DUSP22: variants seen among roughly 807,000 people sequenced by gnomAD.
The protein encoded by DUSP22 is dual specificity phosphatase 22, also known as dual specificity protein phosphatase 22.
DUSP22 carries 24 observed loss-of-function variants against 24.5 expected under a neutral mutation model. That is an observed-to-expected ratio of 0.98 (90% CI 0.71 to 1.38). The LOEUF (loss-of-function observed/expected upper bound fraction) is 1.38. Among genes scored for constraint, DUSP22 ranks in the 40% most tolerant of loss-of-function variants. The probability of loss-of-function intolerance (pLI) is 0.00; values close to 1 mark genes in which losing one functional copy is unlikely to be tolerated. For synonymous variants in DUSP22, 160 were observed against 106.4 expected (o/e 1.50, Z -3.10); for missense variants, 330 against 269.2 (o/e 1.23, Z -1.58).
intron 1 of DUSP22, among the ~76,000 whole-genome samples, chr6:304,103 C>T (rs879916476): frequency 4.6e-5 from 7 of 152,302 alleles, no homozygotes; most frequent in Admixed American, 6.5e-5. Context: ...GAGTTTTCCC[C>T]GACAGAAAGA....
chr6:293,334 G>C (rs1270411265), intron 1 of DUSP22, among the ~76,000 whole-genome samples: 1 of 152,294 alleles, frequency 6.6e-6, no homozygotes, highest in Admixed American at 6.5e-5. Flanking sequence ...GAGTTGCCGG[G>C]GTGTATTCAT....
rs1554103410 is a variant in DUSP22, at chr6:350,680, A to AATAT, written c.*1732_*1733insTATA. 9.1e-5 allele frequency: 142 copies of AATAT among 1,558,138 alleles called. No individual in the cohort carries two copies. The African/African-American group carries it at 1.8e-3, about 20-fold the overall frequency. ...AAGTACATGTTTTTCCTAAGCCAAA[A>AATAT]ATAAATACGTTAACAGAAAAATGAT... On this transcript the variant is annotated 3_prime_UTR_variant, in exon 7 of 7. Transcript: ENST00000419235.
chr6:329,882 G>T (rs1304671647), intron 3 of DUSP22, among the ~76,000 whole-genome samples: 10 of 152,300 alleles, frequency 6.6e-5, no homozygotes, highest in African/African-American at 2.4e-4. Flanking sequence ...TCTGATCAGG[G>T]GAGGAGTGGT....
At chr6:334,134 G>A (rs1193992363) in intron 3 of DUSP22, among the ~76,000 whole-genome samples, 1 of 152,312 alleles carries the variant, frequency 6.6e-6, no homozygotes, top group Non-Finnish European at 1.5e-5. Flanking sequence ...GAGGTTGTCT[G>A]TGTCCCTCTT....
intron 3 of DUSP22, among the ~76,000 whole-genome samples, chr6:327,643 G>C (rs1306238267): frequency 1.3e-5 from 2 of 152,306 alleles, no homozygotes; most frequent in Non-Finnish European, 2.9e-5. Flanking sequence ...CCTGTGTGCT[G>C]CTGGTGGTGT....
intron 1 of DUSP22, among the ~76,000 whole-genome samples, chr6:295,961 G>A (rs1757310228): frequency 6.6e-6 from 1 of 152,290 alleles, no homozygotes; most frequent in African/African-American, 2.4e-5. Context: ...CATAAGTAAT[G>A]CCAGGCAGGG....
chr6:330,731 T>C (rs1471889062), intron 3 of DUSP22, among the ~76,000 whole-genome samples: 1 of 152,304 alleles, frequency 6.6e-6, no homozygotes, highest in Non-Finnish European at 1.5e-5. Context: ...CTGGAAAACC[T>C]TCTGAACTTT....
At chr6:299,170 C>T (rs547641530) in intron 1 of DUSP22, among the ~76,000 whole-genome samples, 54 of 152,390 alleles carry the variant, frequency 3.5e-4, no homozygotes, top group East Asian at 7.7e-4. Context: ...CTTGTCCTTG[C>T]TTTCTACCAG....
At chr6:324,121 C>T (rs1328980464) in intron 3 of DUSP22, among the ~76,000 whole-genome samples, 1 of 152,306 alleles carries the variant, frequency 6.6e-6, no homozygotes, top group African/African-American at 2.4e-5. Flanking sequence ...ACCTCTGCAG[C>T]TGCTCCTACT....
At chr6:317,880 G>A (rs201249227) in intron 3 of DUSP22, among the ~76,000 whole-genome samples, 179 of 152,348 alleles carry the variant, frequency 1.2e-3, no homozygotes, top group East Asian at 6.4e-3. Context: ...ATTTAGCCCC[G>A]TTCCAAAGTG....
chr6:320,803 G>T (rs1443039279), intron 3 of DUSP22, among the ~76,000 whole-genome samples: 1 of 152,278 alleles, frequency 6.6e-6, no homozygotes, highest in Admixed American at 6.5e-5. Context: ...TAGAGTGGAG[G>T]CGGTGGTCAG....
At chr6:317,378 C>G (rs1044369187) in intron 3 of DUSP22, among the ~76,000 whole-genome samples, 31 of 152,298 alleles carry the variant, frequency 2.0e-4, no homozygotes, top group Non-Finnish European at 4.1e-4. Context: ...AAATGTAAAG[C>G]AAGCCAGAAG....
At chr6:346,114 G>A (rs1232113828) in intron 5 of DUSP22, among the ~76,000 whole-genome samples, 186 bp downstream of exon 5, 3 of 152,308 alleles carry the variant, frequency 2.0e-5, no homozygotes, top group Non-Finnish European at 4.4e-5. Context: ...TGTTGAAGGA[G>A]AACCCTAACT....
chr6:311,795 G>A, intron 2 of DUSP22, 85 bp from the exon 3 acceptor site: 3 of 1,332,948 alleles, frequency 2.3e-6, no homozygotes, highest in South Asian at 1.4e-5. Flanking sequence ...GTCATTTTGT[G>A]GGTTTTTTTT....
intron 3 of DUSP22, among the ~76,000 whole-genome samples, chr6:321,858 G>C (rs1364572078): frequency 6.6e-6 from 1 of 152,312 alleles, no homozygotes; most frequent in African/African-American, 2.4e-5. Context: ...CAGCTAATTA[G>C]GCTATAAGTA....
chr6:328,465 A>G (rs1758987940), intron 3 of DUSP22, among the ~76,000 whole-genome samples: 2 of 152,304 alleles, frequency 1.3e-5, no homozygotes, highest in Non-Finnish European at 2.9e-5. Flanking sequence ...AGTCAAATGC[A>G]TGTCGGTTTT....
chr6:348,909 A>G lies in DUSP22; in HGVS notation c.576A>G (p.Ala192=), dbSNP rs1463802863. 6 of 1,613,018 alleles carry G rather than the reference A, an allele frequency of 3.7e-6. No homozygotes were observed. Among genetic ancestry groups the G allele is most frequent in the Non-Finnish European group, 5.1e-6 (6 of 1,179,442 alleles). ...CCAGGCGGTGGAGCAGTTTTCCGGC[A>G]CTGGCTCCGCTGACCTACGATAATT... The part of the protein sequence containing the change: ...PGARRWSSFP[A]LAPLTYDNYT... Residue 192 remains alanine (A), a synonymous_variant, in exon 7 of 7, where the codon GCA becomes GCG. Transcript: ENST00000419235.
In DUSP22 at chr6:348,927, CGAT is replaced by C. The variant is rs1337154624; in HGVS notation, c.595_597del (p.Asp199del). 6.2e-7 allele frequency: 1 copy of C among 1,609,768 alleles called. No individual in the cohort carries two copies. Among genetic ancestry groups the C allele is most frequent in the Admixed American group, 1.7e-5 (1 of 59,142 alleles). ...TTCCGGCACTGGCTCCGCTGACCTA[CGAT>C]AATTATACGACGGAGACCTAACGCA... is the stretch of plus-strand genomic sequence containing the variant. On this transcript the variant is annotated inframe_deletion, in exon 7 of 7. Coordinates refer to ENST00000419235, the MANE Select transcript of DUSP22 (RefSeq NM_001286555.3).
intron 3 of DUSP22, among the ~76,000 whole-genome samples, chr6:333,611 G>T (rs1759232737): frequency 6.6e-6 from 1 of 152,306 alleles, no homozygotes; most frequent in African/African-American, 2.4e-5. Flanking sequence ...TACTAAGAGA[G>T]ACTGAAAGCT....
Sources: gnomAD v4.1 joint callset for allele counts (sites outside exome capture counted in the v4.1 genomes callset) on GRCh38, gnomAD v4.1.1 for gene constraint, MANE v1.5 for transcripts, NCBI Gene and HGNC (gene_info 2026-07-23, HGNC 2026-07-21) for gene names.